CRISPLD2: variants seen among roughly 807,000 people sequenced by gnomAD.
CRISPLD2 encodes cysteine-rich secretory protein LCCL domain-containing 2.
In CRISPLD2, 47 loss-of-function variants were observed where a neutral mutation model predicts 71.1. That is an observed-to-expected ratio of 0.66 (90% confidence interval 0.52 to 0.84). The LOEUF is 0.84. CRISPLD2 is among the 40% of genes least tolerant of loss of function. CRISPLD2 has a pLI of 0.00. For synonymous variants in CRISPLD2, 317 were observed against 250.1 expected (o/e 1.27, Z -2.52); for missense variants, 830 against 651.1 (o/e 1.27, Z -2.99).
chr16:84,900,304 C>T (rs1382428351), intron 14 of CRISPLD2, among the ~76,000 whole-genome samples: 2 of 152,138 alleles, frequency 1.3e-5, no homozygotes, highest in African/African-American at 2.4e-5. Context: ...GATTGCAGAT[C>T]TTAGCAGCCT....
intron 14 of CRISPLD2, among the ~76,000 whole-genome samples, chr16:84,900,893 T>TA (rs1407500572): frequency 6.6e-6 from 1 of 151,436 alleles, no homozygotes; most frequent in East Asian, 1.9e-4. Context: ...CTCTAAAAAA[T>TA]ACGAAAATTA....
At chr16:84,846,543 C>A (rs969692689) in intron 3 of CRISPLD2, among the ~76,000 whole-genome samples, 3 of 152,116 alleles carry the variant, frequency 2.0e-5, no homozygotes, top group African/African-American at 7.2e-5. Context: ...CATGAGCCAC[C>A]GCGCCTGGCC....
intron 8 of CRISPLD2, among the ~76,000 whole-genome samples, chr16:84,870,344 G>T (rs2071456987): frequency 1.3e-5 from 2 of 151,462 alleles, no homozygotes; most frequent in African/African-American, 4.9e-5. Context: ...CTTTGAGTTG[G>T]AGTCTTGCTC....
Position 84,877,490 on chromosome 16 carries a change from G to C in CRISPLD2, c.1209G>C (p.Lys403Asn), listed in dbSNP as rs961720249. 5 of 1,613,826 alleles carry C rather than the reference G, an allele frequency of 3.1e-6. No homozygotes were observed. Among genetic ancestry groups the C allele is most frequent in the East Asian group, 2.2e-5 (1 of 44,890 alleles). ...TTGCTCAGCTGTGCCCGTTTGAAAA[G>C]CCAGCAACTCACTGCCCAAGGTAAG... ...TTVAQLCPFE[K>N]PATHCPRIHC... Residue 403 changes from lysine (K) to asparagine (N), a missense_variant, in exon 12 of 15, where the codon AAG becomes AAC. Physicochemically the swap from Lys to Asn is moderately conservative, Grantham distance 94. Coordinates refer to ENST00000262424, the MANE Select transcript of CRISPLD2 (RefSeq NM_031476.4).
At chr16:84,895,671 G>T (rs1001064599) in intron 14 of CRISPLD2, among the ~76,000 whole-genome samples, 1 of 152,166 alleles carries the variant, frequency 6.6e-6, no homozygotes, top group African/African-American at 2.4e-5. Flanking sequence ...TGTGGGCTTT[G>T]TGAGGATAGT....
intron 13 of CRISPLD2, among the ~76,000 whole-genome samples, chr16:84,883,501 C>G (rs113555243): frequency 6.6e-6 from 1 of 152,202 alleles, no homozygotes; most frequent in Non-Finnish European, 1.5e-5. Context: ...TCTGTCCTCC[C>G]CATCCCACTT....
intron 14 of CRISPLD2, among the ~76,000 whole-genome samples, chr16:84,905,318 A>G (rs150762342): frequency 8.7e-4 from 133 of 152,324 alleles, no homozygotes; most frequent in African/African-American, 2.9e-3. Context: ...GCACAACTCT[A>G]TAAAATCTCT....
At chr16:84,860,847 T>C (rs1203583432) in intron 6 of CRISPLD2, among the ~76,000 whole-genome samples, 2 of 152,184 alleles carry the variant, frequency 1.3e-5, no homozygotes, top group Non-Finnish European at 2.9e-5. Flanking sequence ...CAATTTCAGC[T>C]CTTTCTCTAC....
intron 14 of CRISPLD2, among the ~76,000 whole-genome samples, chr16:84,903,774 G>C (rs2071776570): frequency 6.6e-6 from 1 of 152,150 alleles, no homozygotes; most frequent in African/African-American, 2.4e-5. Context: ...AAAAACAGCT[G>C]TTTCAGGACT....
intron 5 of CRISPLD2, among the ~76,000 whole-genome samples, chr16:84,854,333 C>A (rs1320296521): frequency 6.6e-6 from 1 of 152,128 alleles, no homozygotes; most frequent in Non-Finnish European, 1.5e-5. Context: ...GTCTCTGGGA[C>A]AGGCTGGCTT....
intron 6 of CRISPLD2, among the ~76,000 whole-genome samples, chr16:84,861,952 G>A (rs1917395946): frequency 6.6e-6 from 1 of 152,108 alleles, no homozygotes; most frequent in Non-Finnish European, 1.5e-5. Context: ...ACAGACATTT[G>A]AACAAGAAAG....
At chr16:84,827,225 T>G (rs1916374551) in intron 1 of CRISPLD2, among the ~76,000 whole-genome samples, 1 of 151,832 alleles carries the variant, frequency 6.6e-6, no homozygotes, top group Admixed American at 6.6e-5. Flanking sequence ...ACCATGCGTG[T>G]TGAATCCCCG....
intron 8 of CRISPLD2, among the ~76,000 whole-genome samples, chr16:84,871,507 C>A (rs1026704503): frequency 1.3e-5 from 2 of 152,252 alleles, no homozygotes; most frequent in Middle Eastern, 6.8e-3. Context: ...CTGCTGCACT[C>A]CAGCCTGCGT....
chr16:84,899,759 AC>A (rs2071737263), intron 14 of CRISPLD2, among the ~76,000 whole-genome samples: 1 of 152,190 alleles, frequency 6.6e-6, no homozygotes, highest in African/African-American at 2.4e-5. Flanking sequence ...GGCCATGTCT[AC>A]ATCTGGACGG....
chr16:84,900,355 T>C (rs2071742473), intron 14 of CRISPLD2, among the ~76,000 whole-genome samples: 1 of 152,074 alleles, frequency 6.6e-6, no homozygotes, highest in Non-Finnish European at 1.5e-5. Context: ...CAGTTTCCAA[T>C]CTGGGGGCTC....
intron 14 of CRISPLD2, among the ~76,000 whole-genome samples, chr16:84,891,361 C>T (rs2071661024): frequency 6.6e-6 from 1 of 152,206 alleles, no homozygotes; most frequent in African/African-American, 2.4e-5. Context: ...GAAGATGCCA[C>T]AGCATCACTT....
intron 1 of CRISPLD2, among the ~76,000 whole-genome samples, chr16:84,820,633 T>C: frequency 6.6e-6 from 1 of 152,192 alleles, no homozygotes. Context: ...GGTAGCCTTC[T>C]TCCCACATTT....
At chr16:84,868,977 G>C in intron 8 of CRISPLD2, 66 bp downstream of exon 8, 1 of 1,402,324 alleles carries the variant, frequency 7.1e-7, no homozygotes, top group South Asian at 1.3e-5. Flanking sequence ...TCCTACCACT[G>C]TGGCCTCTGG....
intron 11 of CRISPLD2, among the ~76,000 whole-genome samples, chr16:84,875,414 C>CTTTTTTTTTTTTTTTTTTTTTTTTTTTT (rs34028519): frequency 5.7e-5 from 5 of 87,772 alleles, no homozygotes; most frequent in African/African-American, 2.8e-4. Context: ...TATGCATGGA[C>CTTTTTTTTTTTTTTTTTTTTTTTTTTTT]TTTTTTTTTT....
Sources: allele counts gnomAD v4.1 joint callset (sites outside exome capture counted in the v4.1 genomes callset), GRCh38; gene constraint gnomAD v4.1.1; transcripts MANE v1.5; gene names NCBI Gene and HGNC (gene_info 2026-07-23, HGNC 2026-07-21).